Variants in HCN1 observed in about 807,000 individuals in gnomAD.
HCN1 encodes potassium/sodium hyperpolarization-activated cyclic nucleotide-gated channel 1.
In HCN1, 13 loss-of-function variants were observed where a neutral mutation model predicts 78.9. That is an observed-to-expected ratio of 0.16 (90% CI 0.11 to 0.26). HCN1 has a LOEUF of 0.26. Ranked by LOEUF, HCN1 falls within the 10% of genes least tolerant of loss-of-function variation. The pLI is 1.00. For missense variants in HCN1, 810 were observed against 1,154.3 expected (o/e 0.70, Z 4.32); for synonymous variants, 552 against 455.5 (o/e 1.21, Z -2.70).
Position 45,353,214 on chromosome 5 carries a change from A to T in HCN1, c.1263T>A (p.His421Gln). 1 of 1,608,944 alleles carries T rather than the reference A, an allele frequency of 6.2e-7. No homozygotes were observed. The highest frequency in any genetic ancestry group is 1.1e-5 in the South Asian group (1 of 90,972). ...YKQVEQYMSF[H>Q]KLPADMRQKI... Reference sequence around the variant, plus strand: ...TCTGACGCATATCAGCTGGTAACTTATGGAATGACATGTATTGTTCCACTT... The same window carrying T: ...TCTGACGCATATCAGCTGGTAACTTTTGGAATGACATGTATTGTTCCACTT... The change falls in exon 5 of 8, where the codon CAT (histidine) becomes CAA (glutamine). Residue 421 changes from histidine to glutamine, a missense_variant. By Grantham distance (24) the His-to-Gln change is conservative. Around this residue, in one of 6 missense-constraint regions of HCN1, gnomAD observed 104 missense variants for 402.8 expected, o/e 0.26. Coordinates refer to ENST00000303230, the MANE Select transcript of HCN1 (RefSeq NM_021072.4).
chr5:45,677,747 G>T (rs1739605449), intron 1 of HCN1, among the ~76,000 whole-genome samples: 1 of 151,836 alleles, frequency 6.6e-6, no homozygotes, highest in East Asian at 1.9e-4. Context: ...TAAAGTCTGG[G>T]AAGGTCAAAC....
intron 1 of HCN1, among the ~76,000 whole-genome samples, chr5:45,651,627 A>G (rs773190807): frequency 6.6e-6 from 1 of 152,024 alleles, no homozygotes; most frequent in Non-Finnish European, 1.5e-5. Flanking sequence ...GATTTGGTAC[A>G]TATGTTTTGA....
At chr5:45,554,315 G>A (rs1743428386) in intron 2 of HCN1, among the ~76,000 whole-genome samples, 1 of 151,780 alleles carries the variant, frequency 6.6e-6, no homozygotes, top group South Asian at 2.1e-4. Context: ...TGAATTAGAA[G>A]GCTACTAAGT....
chr5:45,418,873 A>G (rs1217978464), intron 3 of HCN1, among the ~76,000 whole-genome samples: 1 of 152,180 alleles, frequency 6.6e-6, no homozygotes, highest in Non-Finnish European at 1.5e-5. Flanking sequence ...ATATAATTCT[A>G]TATGTCATTA....
intron 6 of HCN1, among the ~76,000 whole-genome samples, chr5:45,282,299 G>A (rs530402574): frequency 6.6e-6 from 1 of 152,248 alleles, no homozygotes; most frequent in East Asian, 1.9e-4. Context: ...TGTAAAACAT[G>A]TTGTTGTTAC....
intron 3 of HCN1, among the ~76,000 whole-genome samples, chr5:45,445,172 A>T (rs1410286527): frequency 1.3e-5 from 2 of 152,088 alleles, no homozygotes; most frequent in Non-Finnish European, 2.9e-5. Context: ...AAATCGGGTC[A>T]CTCCCACCCG....
intron 1 of HCN1, among the ~76,000 whole-genome samples, chr5:45,650,892 C>G (rs1745665843): frequency 6.6e-6 from 1 of 151,918 alleles, no homozygotes; most frequent in African/African-American, 2.4e-5. Flanking sequence ...GCCCCAGTTG[C>G]TTACGTTATC....
intron 5 of HCN1, among the ~76,000 whole-genome samples, chr5:45,339,901 A>T (rs1579822454): frequency 6.6e-6 from 1 of 152,042 alleles, no homozygotes; most frequent in African/African-American, 2.4e-5. Context: ...GAGGAAGAAT[A>T]GTTTTTAATT....
At chr5:45,381,957 A>G (rs1175503763) in intron 4 of HCN1, among the ~76,000 whole-genome samples, 6 of 152,094 alleles carry the variant, frequency 3.9e-5, no homozygotes, top group Non-Finnish European at 8.8e-5. Context: ...CTGTCTTCCT[A>G]TTTGAGCTTC....
At chr5:45,637,894 T>G (rs1745383968) in intron 2 of HCN1, among the ~76,000 whole-genome samples, 1 of 152,144 alleles carries the variant, frequency 6.6e-6, no homozygotes, top group South Asian at 2.1e-4. Context: ...CAGAAATATT[T>G]TCAGCAGGTG....
rs546080662 is a variant in HCN1 at position 45,284,576 on chromosome 5, C to T, written c.1619-17323G>A. 5.9e-5 allele frequency among the ~76,000 whole-genome samples: 9 copies of T among 152,232 alleles called. No homozygotes were observed. In the South Asian group the frequency reaches 1.7e-3, roughly 28 times the overall value. On this transcript the variant is annotated intron_variant, in intron 6 of 7. Transcript: ENST00000303230. Reference sequence around the variant, plus strand: ...ACTGTGTTTTCTAACTATGTCAATCCTCTTTCCCTTGGCTAGTGCAGAATC... The same window carrying T: ...ACTGTGTTTTCTAACTATGTCAATCTTCTTTCCCTTGGCTAGTGCAGAATC...
intron 1 of HCN1, among the ~76,000 whole-genome samples, chr5:45,673,863 T>C (rs952693621): frequency 6.6e-6 from 1 of 151,628 alleles, no homozygotes; most frequent in Non-Finnish European, 1.5e-5. Context: ...AATCATGATT[T>C]CAAGTATGAA....
intron 3 of HCN1, among the ~76,000 whole-genome samples, chr5:45,443,429 G>A (rs780082300): frequency 2.6e-5 from 4 of 151,956 alleles, no homozygotes; most frequent in Non-Finnish European, 5.9e-5. Context: ...GTGTTTGGTT[G>A]GTTGTTTATT....
At chr5:45,292,860 G>T (rs531645994) in intron 6 of HCN1, among the ~76,000 whole-genome samples, 18 of 151,846 alleles carry the variant, frequency 1.2e-4, no homozygotes, top group Non-Finnish European at 2.2e-4. Context: ...ACTGAGTGTT[G>T]TTCACACACT....
At chr5:45,304,804 C>T (rs1745695463) in intron 5 of HCN1, among the ~76,000 whole-genome samples, 1 of 152,092 alleles carries the variant, frequency 6.6e-6, no homozygotes, top group South Asian at 2.1e-4. Flanking sequence ...TTGCCTTTTC[C>T]TGACTTGTTT....
At chr5:45,626,643 A>T (rs1350335116) in intron 2 of HCN1, among the ~76,000 whole-genome samples, 2 of 152,140 alleles carry the variant, frequency 1.3e-5, no homozygotes, top group African/African-American at 2.4e-5. Flanking sequence ...AAAACAACCA[A>T]TGTAAAAATT....
At chr5:45,299,019 T>C (rs539374755) in intron 6 of HCN1, among the ~76,000 whole-genome samples, 8 of 152,086 alleles carry the variant, frequency 5.3e-5, no homozygotes, top group East Asian at 1.9e-4. Context: ...CAAATCCCAA[T>C]TGAGGGACGT....
At chr5:45,414,264 T>C (rs1740076884) in intron 3 of HCN1, among the ~76,000 whole-genome samples, 1 of 151,966 alleles carries the variant, frequency 6.6e-6, no homozygotes, top group South Asian at 2.1e-4. Flanking sequence ...GTTAATCTTG[T>C]CTCCCTCCTC....
chr5:45,522,456 C>G (rs1742634430), intron 2 of HCN1, among the ~76,000 whole-genome samples: 1 of 152,024 alleles, frequency 6.6e-6, no homozygotes, highest in Non-Finnish European at 1.5e-5. Context: ...AATCTCAACA[C>G]ACAAACATTC....
Sources: allele counts gnomAD v4.1 joint callset (sites outside exome capture counted in the v4.1 genomes callset), GRCh38; gene constraint gnomAD v4.1.1; regional missense constraint gnomAD v4.1.1; transcripts MANE v1.5; gene names NCBI Gene and HGNC (gene_info 2026-07-23, HGNC 2026-07-21).